PAG1: variants seen among roughly 807,000 people sequenced by gnomAD.
PAG1 encodes phosphoprotein associated with glycosphingolipid-enriched microdomains 1.
A neutral mutation model predicts 31.7 loss-of-function variants in PAG1; 23 were observed. The ratio of observed to expected loss-of-function variants is 0.73; its 90% CI spans 0.52 to 1.03. PAG1 has a LOEUF of 1.03. Ranked by LOEUF, PAG1 falls within the 50% of genes least tolerant of loss-of-function variation. PAG1 has a pLI of 0.00. For synonymous variants in PAG1, 214 were observed against 210.3 expected (o/e 1.02, Z -0.15); for missense variants, 473 against 540.7 (o/e 0.87, Z 1.24).
At position 81,023,728 on chromosome 8, in the gene PAG1, G is replaced by A. The variant is rs1427859539; in HGVS notation, c.-81+6268C>T. Among the ~76,000 whole-genome samples, 7 of 152,024 alleles carry A rather than the reference G, an allele frequency of 4.6e-5. No homozygotes were observed. In the East Asian group the frequency reaches 7.7e-4, roughly 17 times the overall value. ...CATTACTTTTTCTTTTATCAACATT[G>A]AATTTTATACCATATAAATGTCCTA... On this transcript the variant is annotated intron_variant, in intron 3 of 8. Coordinates refer to ENST00000220597, the MANE Select transcript of PAG1 (RefSeq NM_018440.4).
chr8:80,993,079 A>G, intron 4 of PAG1, 24 bp downstream of exon 4: 1 of 1,582,012 alleles, frequency 6.3e-7, no homozygotes, highest in Non-Finnish European at 8.6e-7. Flanking sequence ...TTTAAGGCAC[A>G]GGTATATACA....
intron 1 of PAG1, among the ~76,000 whole-genome samples, chr8:81,091,278 T>TA (rs1249509395): frequency 1.3e-5 from 2 of 152,166 alleles, no homozygotes; most frequent in African/African-American, 4.8e-5. Flanking sequence ...CATGCCGAAT[T>TA]AGAGTTTCAT....
intron 8 of PAG1, among the ~76,000 whole-genome samples, chr8:80,979,366 C>T (rs561910494): frequency 1.3e-5 from 2 of 152,088 alleles, no homozygotes; most frequent in African/African-American, 2.4e-5. Flanking sequence ...GAGGGGCGGC[C>T]GCAGTGGGCT....
intron 7 of PAG1, among the ~76,000 whole-genome samples, chr8:80,981,284 C>T (rs1469009703): frequency 2.6e-5 from 4 of 152,008 alleles, no homozygotes; most frequent in African/African-American, 4.8e-5. Context: ...CCTTCAACAC[C>T]ATTGGGACCC....
intron 1 of PAG1, among the ~76,000 whole-genome samples, chr8:81,079,919 C>A (rs1809238338): frequency 6.6e-6 from 1 of 151,944 alleles, no homozygotes; most frequent in South Asian, 2.1e-4. Context: ...AAGGCACATA[C>A]CCCCATGCCC....
intron 1 of PAG1, among the ~76,000 whole-genome samples, chr8:81,110,187 C>G (rs1809752545): frequency 6.6e-6 from 1 of 152,166 alleles, no homozygotes; most frequent in Non-Finnish European, 1.5e-5. Flanking sequence ...AAACATACCC[C>G]TGAGCTTTGG....
At chr8:81,110,092 A>G (rs2131151623) in intron 1 of PAG1, among the ~76,000 whole-genome samples, 1 of 152,288 alleles carries the variant, frequency 6.6e-6, no homozygotes, top group Non-Finnish European at 1.5e-5. Flanking sequence ...GGTGCCTATA[A>G]CTAGTTCATC....
chr8:81,055,438 T>C (rs367795270), intron 2 of PAG1, among the ~76,000 whole-genome samples: 2 of 152,108 alleles, frequency 1.3e-5, no homozygotes, highest in African/African-American at 4.8e-5. Flanking sequence ...TTTAATTCCA[T>C]CTTAGCAATA....
intron 1 of PAG1, among the ~76,000 whole-genome samples, chr8:81,105,062 C>A (rs992621021): frequency 5.3e-5 from 8 of 152,082 alleles, no homozygotes; most frequent in African/African-American, 1.9e-4. Context: ...AGAATAATTT[C>A]TCCCTGCCCA....
intron 3 of PAG1, among the ~76,000 whole-genome samples, chr8:81,022,361 A>C (rs1309126679): frequency 6.6e-6 from 1 of 152,196 alleles, no homozygotes; most frequent in African/African-American, 2.4e-5. Context: ...GACATTTACC[A>C]AAGTTTTATT....
chr8:81,011,738 C>T (rs546620657), intron 3 of PAG1, among the ~76,000 whole-genome samples: 1 of 152,242 alleles, frequency 6.6e-6, no homozygotes, highest in African/African-American at 2.4e-5. Flanking sequence ...AGCTATAGTC[C>T]CTCATGCAAT....
At chr8:81,109,554 TCTC>T (rs1809742871) in intron 1 of PAG1, among the ~76,000 whole-genome samples, 1 of 152,192 alleles carries the variant, frequency 6.6e-6, no homozygotes, top group African/African-American at 2.4e-5. Context: ...TTATACCTTC[TCTC>T]CTATTATACA....
chr8:81,039,802 T>C (rs1808524845), intron 2 of PAG1, among the ~76,000 whole-genome samples: 1 of 152,178 alleles, frequency 6.6e-6, no homozygotes, highest in African/African-American at 2.4e-5. Context: ...AACATCAAAA[T>C]AACAGGTAGG....
At chr8:81,042,988 AT>A (rs1808580230) in intron 2 of PAG1, among the ~76,000 whole-genome samples, 1 of 152,128 alleles carries the variant, frequency 6.6e-6, no homozygotes. Flanking sequence ...AAATCCTCCT[AT>A]TTCTCAAACT....
intron 3 of PAG1, among the ~76,000 whole-genome samples, chr8:81,008,442 G>A (rs1807924979): frequency 6.6e-6 from 1 of 151,560 alleles, no homozygotes; most frequent in African/African-American, 2.4e-5. Context: ...TGATTCTGTA[G>A]CCAGGATCCA....
At chr8:81,093,473 G>T (rs1275158660) in intron 1 of PAG1, among the ~76,000 whole-genome samples, 1 of 151,998 alleles carries the variant, frequency 6.6e-6, no homozygotes, top group Non-Finnish European at 1.5e-5. Context: ...TCTCCCTCAT[G>T]CAAATCCATC....
chr8:81,031,580 A>G lies in PAG1; in HGVS notation c.-174-1491T>C, dbSNP rs182751764. On this transcript the variant is annotated intron_variant, in intron 2 of 8. Coordinates refer to ENST00000220597, the MANE Select transcript of PAG1 (RefSeq NM_018440.4). ...AGCAAGATTTAATTATCTAAATCAA[A>G]TTGCTGCAATTAAAAGGTAAAATTT... is the stretch of plus-strand genomic sequence containing the variant. 1.2e-3 allele frequency among the ~76,000 whole-genome samples: 185 copies of G among 152,378 alleles called. 1 individual carries two copies. The highest frequency in any genetic ancestry group is 4.3e-3 in the African/African-American group (178 of 41,588).
At chr8:81,097,587 A>G (rs952449000) in intron 1 of PAG1, among the ~76,000 whole-genome samples, 1 of 152,162 alleles carries the variant, frequency 6.6e-6, no homozygotes, top group Admixed American at 6.5e-5. Flanking sequence ...CTATGAAAGA[A>G]GTCTGTGGGT....
intron 1 of PAG1, among the ~76,000 whole-genome samples, chr8:81,104,645 G>A (rs1809663214): frequency 6.6e-6 from 1 of 151,954 alleles, no homozygotes; most frequent in East Asian, 1.9e-4. Context: ...ATCTCCAATG[G>A]CAGCCTTATG....
Sources: allele counts gnomAD v4.1 joint callset (sites outside exome capture counted in the v4.1 genomes callset), GRCh38; gene constraint gnomAD v4.1.1; transcripts MANE v1.5; gene names NCBI Gene and HGNC (gene_info 2026-07-23, HGNC 2026-07-21).